ASAH1: variants seen among roughly 807,000 people sequenced by gnomAD.
The protein encoded by ASAH1 is N-acylsphingosine amidohydrolase 1, also known as acid ceramidase.
Under a neutral mutation model 59.5 loss-of-function variants are expected in ASAH1, and 70 were observed. The observed-to-expected ratio is 1.18, with a 90% CI of 0.97 to 1.43. The LOEUF (loss-of-function observed/expected upper bound fraction) is 1.43, where lower values mean the gene tolerates loss of function less well. ASAH1 is among the 40% of genes most tolerant of loss of function. The pLI is 0.00. For missense variants in ASAH1, 660 were observed against 482.5 expected (o/e 1.37, Z -3.45); for synonymous variants, 213 against 166.5 (o/e 1.28, Z -2.15).
At chr8:18,077,861 T>G (rs915761490) in intron 1 of ASAH1, among the ~76,000 whole-genome samples, 1 of 152,214 alleles carries the variant, frequency 6.6e-6, no homozygotes. Context: ...CCGCTTTACA[T>G]TTTCTTGTTT....
intron 4 of ASAH1, among the ~76,000 whole-genome samples, chr8:18,069,057 C>T (rs143222348): frequency 2.0e-5 from 3 of 150,984 alleles, no homozygotes; most frequent in Non-Finnish European, 2.9e-5. Context: ...AGAAGGATCC[C>T]TTGAGCCTGG....
At position 18,067,293 on chromosome 8, in the gene ASAH1, G is replaced by T. The variant is rs142978348; in HGVS notation, c.309C>A (p.Gly103=). The change falls in exon 5 of 14, where the codon GGC becomes GGA. Residue 103 remains glycine, a synonymous_variant. Coordinates refer to ENST00000637790, the MANE Select transcript of ASAH1 (RefSeq NM_177924.5). ...IMQVVDEKLP[G]LLGNFPGPFE... ...AAGGGCCAGGAAAGTTGCCAAGTAG[G>T]CCAGGCTGGAAAACAAATATATTAA... The T allele has an allele frequency of 1.9e-6, 3 of 1,588,596 alleles. No homozygotes were observed. The African/African-American group carries it at 4.0e-5, about 21-fold the overall frequency.
In ASAH1 at chr8:18,057,621, C is replaced by A; in HGVS notation, c.1101G>T (p.Leu367=). 2 of 1,598,040 alleles carry A rather than the reference C, an allele frequency of 1.3e-6. No homozygotes were observed. Among genetic ancestry groups the A allele is most frequent in the South Asian group, 2.2e-5 (2 of 90,672 alleles). ...VLSTKPVLNK[L]TVYTTLIDVT... ...CATCTATCAAGGTTGTGTATACGGT[C>A]AGCTGAAAGAAAAGTTATTTTTACT... Residue 367 remains leucine (L), a splice_region_variant and synonymous_variant, in exon 14 of 14, where the codon CTG becomes CTT. Coordinates refer to ENST00000637790, the MANE Select transcript of ASAH1 (RefSeq NM_177924.5).
At chr8:18,082,846 CAATTCCCATAAAACCAACTACCGTCAAG>C (rs1287744653) in intron 1 of ASAH1, among the ~76,000 whole-genome samples, 2 of 152,170 alleles carry the variant, frequency 1.3e-5, no homozygotes, top group African/African-American at 4.8e-5. Flanking sequence ...AAGTCTCTCC[CAATTCCCATAAAACCAACTACCGTCAAG>C]CAAATTAATT....
At chr8:18,061,877 A>C in intron 8 of ASAH1, 137 bp from the exon 9 acceptor site, 1 of 854,266 alleles carries the variant, frequency 1.2e-6, no homozygotes, top group Non-Finnish European at 1.9e-6. Context: ...AAAACCATAA[A>C]AGGCTTTTTA....
At chr8:18,084,656 C>G (rs762972682), upstream of ASAH1, 20 of 1,612,984 alleles carry the variant, frequency 1.2e-5, no homozygotes, top group South Asian at 2.2e-5. Flanking sequence ...CTCGGGTCCT[C>G]CAAGCTGTTG....
rs1389323266 is a variant in ASAH1 at position 18,057,601 on chromosome 8, A to G, written c.1121T>C (p.Ile374Thr). 6.2e-7 allele frequency: 1 copy of G among 1,603,598 alleles called. No individual in the cohort carries two copies. Among genetic ancestry groups the G allele is most frequent in the Non-Finnish European group, 8.5e-7 (1 of 1,173,154 alleles). The change falls in exon 14 of 14, where the codon ATA becomes ACA. Residue 374 changes from isoleucine to threonine, a missense_variant. Ile to Thr is a moderately conservative substitution (Grantham distance 89, BLOSUM62 -1). Transcript: ENST00000637790. ...LNKLTVYTTLIDVTKGQFETY... is the reference protein window; with the variant it reads ...LNKLTVYTTLTDVTKGQFETY... ...TTCGAATTGACCTTTGGTAACATCT[A>G]TCAAGGTTGTGTATACGGTCAGCTG...
chr8:18,075,042 C>G, intron 2 of ASAH1, among the ~76,000 whole-genome samples: 1 of 147,000 alleles, frequency 6.8e-6, no homozygotes, highest in South Asian at 2.2e-4. Flanking sequence ...GTCGCCCAGA[C>G]TGGAGTGCAG....
intron 2 of ASAH1, among the ~76,000 whole-genome samples, chr8:18,072,163 C>A (rs1020260877): frequency 6.6e-6 from 1 of 152,178 alleles, no homozygotes; most frequent in African/African-American, 2.4e-5. Context: ...GGTTACTAAA[C>A]TGAAATAGCT....
At chr8:18,070,610 A>G (rs1183536216) in intron 3 of ASAH1, among the ~76,000 whole-genome samples, 1 of 152,198 alleles carries the variant, frequency 6.6e-6, no homozygotes, top group Non-Finnish European at 1.5e-5. Flanking sequence ...TTAATACAGT[A>G]AGTCTAATTT....
chr8:18,069,240 C>A (rs1464858189), intron 4 of ASAH1, among the ~76,000 whole-genome samples: 1 of 151,786 alleles, frequency 6.6e-6, no homozygotes, highest in South Asian at 2.1e-4. Flanking sequence ...GTTCTAGGGG[C>A]CAGGCCCTAG....
chr8:18,062,227 G>T, intron 8 of ASAH1, 52 bp downstream of exon 8: 1 of 1,611,022 alleles, frequency 6.2e-7, no homozygotes, highest in Non-Finnish European at 8.5e-7. Context: ...TTTACATAAC[G>T]GTAACAGGAC....
At chr8:18,083,919 G>T in intron 1 of ASAH1, 62 bp downstream of exon 1, 1 of 1,555,618 alleles carries the variant, frequency 6.4e-7, no homozygotes, top group South Asian at 1.2e-5. Context: ...CGCCACACCT[G>T]CGCCTCCATC....
At chr8:18,077,622 T>C (rs1428804970) in intron 1 of ASAH1, among the ~76,000 whole-genome samples, 2 of 152,222 alleles carry the variant, frequency 1.3e-5, no homozygotes, top group Admixed American at 6.5e-5. Flanking sequence ...TTGATATTGA[T>C]GTTCTTCCCA....
intron 7 of ASAH1, 83 bp from the exon 8 acceptor site, chr8:18,062,506 TA>T (rs1799749363): frequency 1.4e-6 from 2 of 1,458,564 alleles, no homozygotes; most frequent in Non-Finnish European, 1.9e-6. Context: ...GGCATTACAC[TA>T]GGAGCTTTAT....
upstream of ASAH1, chr8:18,084,535 C>T: frequency 6.9e-7 from 1 of 1,451,594 alleles, no homozygotes; most frequent in Non-Finnish European, 9.4e-7. Context: ...CCTGACCCAT[C>T]TTTGCCCTCT....
chr8:18,073,307 A>T, intron 2 of ASAH1: 6 of 1,560,290 alleles, frequency 3.8e-6, no homozygotes, highest in East Asian at 2.3e-5. Flanking sequence ...TAAAAAAAAC[A>T]CTTAGCAGCA....
chr8:18,057,694 C>T, intron 13 of ASAH1, 71 bp from the exon 14 acceptor site: 2 of 1,050,756 alleles, frequency 1.9e-6, no homozygotes, highest in Non-Finnish European at 2.8e-6. Context: ...ATTAGCATTT[C>T]TATACTTGTA....
Position 18,071,490 on chromosome 8 carries a change from G to A in ASAH1, c.126-100C>T, listed in dbSNP as rs12549594. 385,137 of 821,016 alleles carry A rather than the reference G, an allele frequency of 0.47. 94,434 individuals are homozygous for A. The highest frequency in any genetic ancestry group is 0.6 in the Admixed American group (28,707 of 48,172). 50.9% of individuals were successfully genotyped at this position (821,016 alleles called of 1,614,324 possible). The stretch of plus-strand genomic sequence containing the variant: ...ATATATGAGAGGCAAAGTCTTAACA[G>A]CAGTGTAGAATTTGGTTACCCAAAC... On this transcript the variant is annotated intron_variant, in intron 2 of 13. Transcript: ENST00000637790.
Sources: gnomAD v4.1 joint callset for allele counts (sites outside exome capture counted in the v4.1 genomes callset) on GRCh38, gnomAD v4.1.1 for gene constraint, MANE v1.5 for transcripts, NCBI Gene and HGNC (gene_info 2026-07-23, HGNC 2026-07-21) for gene names.